DLC1: variants seen among roughly 807,000 people sequenced by gnomAD.
DLC1 encodes rho GTPase-activating protein 7.
Under a neutral mutation model 140.3 loss-of-function variants are expected in DLC1, and 54 were observed. That is an observed-to-expected ratio of 0.38 (90% CI 0.31 to 0.48). The LOEUF is 0.48. Among genes scored for constraint, DLC1 ranks in the 20% least tolerant of loss-of-function variants. DLC1 has a pLI of 0.96. For synonymous variants in DLC1, 986 were observed against 728.1 expected (o/e 1.35, Z -5.70); for missense variants, 2,536 against 1,907.0 (o/e 1.33, Z -6.14).
chr8:13,304,519 G>T, intron 5 of DLC1: 1 of 374,684 alleles, frequency 2.7e-6, no homozygotes, highest in Non-Finnish European at 3.7e-6. Context: ...AAAGGCACTT[G>T]AAATTTTAAT....
rs375623221 is a variant in DLC1, at chr8:13,393,716, G to C, written c.1174-23C>G. On this transcript the variant is annotated intron_variant, in intron 3 of 17. Coordinates refer to ENST00000276297, the MANE Select transcript of DLC1 (RefSeq NM_182643.3). ...ATCCTATTAAAAAACAAATGCACTG[G>C]TATGAAGGACATGTGAATGTTCCCA... 8 of 1,602,146 alleles carry C rather than the reference G, an allele frequency of 5.0e-6. No homozygotes were observed. The East Asian group carries it at 1.1e-4, about 22-fold the overall frequency.
chr8:13,175,119 C>G (rs1184274581), intron 5 of DLC1, among the ~76,000 whole-genome samples: 1 of 152,106 alleles, frequency 6.6e-6, no homozygotes, highest in Non-Finnish European at 1.5e-5. Context: ...AACAGAGAGT[C>G]CCTATCCCAA....
chr8:13,376,487 G>A (rs181512486), intron 4 of DLC1, among the ~76,000 whole-genome samples: 36 of 152,226 alleles, frequency 2.4e-4, no homozygotes, highest in Middle Eastern at 3.4e-3. Flanking sequence ...CTCCCTGCCT[G>A]CAACCTACCC....
At chr8:13,223,079 A>G (rs1451224683) in intron 5 of DLC1, among the ~76,000 whole-genome samples, 4 of 152,110 alleles carry the variant, frequency 2.6e-5, no homozygotes, top group Non-Finnish European at 5.9e-5. Flanking sequence ...TTCTAGTTCT[A>G]TCGGTTATTA....
chr8:13,394,411 C>T (rs562591598), intron 3 of DLC1, among the ~76,000 whole-genome samples: 133 of 152,208 alleles, frequency 8.7e-4, no homozygotes, highest in African/African-American at 3.2e-3. Flanking sequence ...ATTATGTTTT[C>T]TTAGCAACTA....
At chr8:13,544,897 C>T (rs1803603679) in intron 1 of DLC1, among the ~76,000 whole-genome samples, 1 of 152,126 alleles carries the variant, frequency 6.6e-6, no homozygotes, top group South Asian at 2.1e-4. Flanking sequence ...TATCCGTGAA[C>T]AGTTACCACT....
intron 5 of DLC1, among the ~76,000 whole-genome samples, chr8:13,299,318 G>T (rs2697746): frequency 0.36 from 53,888 of 151,086 alleles, 9,735 homozygotes; most frequent in Middle Eastern, 0.45. Context: ...TGTGGTGGTG[G>T]GTGCCTGTAA....
intron 5 of DLC1, among the ~76,000 whole-genome samples, chr8:13,139,428 T>A (rs79753742): frequency 0.035 from 5,285 of 152,144 alleles, 214 homozygotes; most frequent in African/African-American, 0.097. Context: ...AGCATAGTAC[T>A]TTCATCATTC....
intron 4 of DLC1, among the ~76,000 whole-genome samples, chr8:13,338,377 T>G (rs1166048205): frequency 6.6e-6 from 1 of 152,176 alleles, no homozygotes; most frequent in Admixed American, 6.5e-5. Flanking sequence ...CTAGCTGAGC[T>G]CAAATCCTGA....
intron 1 of DLC1, among the ~76,000 whole-genome samples, chr8:13,539,131 T>C (rs991642340): frequency 6.6e-6 from 1 of 152,186 alleles, no homozygotes; most frequent in Non-Finnish European, 1.5e-5. Flanking sequence ...ATCTTGATTA[T>C]TGGCAATATT....
intron 5 of DLC1, among the ~76,000 whole-genome samples, chr8:13,141,141 G>A (rs888727694): frequency 1.3e-5 from 2 of 151,592 alleles, no homozygotes; most frequent in East Asian, 3.9e-4. Flanking sequence ...TGTAATTCCA[G>A]CTACTCGGGA....
intron 4 of DLC1, among the ~76,000 whole-genome samples, chr8:13,386,172 C>G (rs887497505): frequency 2.0e-5 from 3 of 152,108 alleles, no homozygotes; most frequent in Non-Finnish European, 4.4e-5. Flanking sequence ...ATGCAAAGTA[C>G]TATTCATATG....
intron 5 of DLC1, among the ~76,000 whole-genome samples, chr8:13,130,644 C>A (rs895125871): frequency 6.6e-6 from 1 of 152,188 alleles, no homozygotes; most frequent in Non-Finnish European, 1.5e-5. Context: ...GTTAATTGCT[C>A]ATCTATTCAC....
Position 13,401,637 on chromosome 8 carries a change from T to C in DLC1, c.1024-18A>G. On this transcript the variant is annotated intron_variant, in intron 2 of 17. Coordinates refer to ENST00000276297, the MANE Select transcript of DLC1 (RefSeq NM_182643.3). ...CTTATTTCCTGAGGAACAGAACATT[T>C]TGTTACTGAATCTGAAAGGCCATTT... is the stretch of plus-strand genomic sequence containing the variant. The C allele has an allele frequency of 1.9e-6, 3 of 1,601,460 alleles. No homozygotes were observed. The highest frequency in any genetic ancestry group is 2.2e-5 in the East Asian group (1 of 44,736).
At chr8:13,233,688 T>G (rs962852867) in intron 5 of DLC1, among the ~76,000 whole-genome samples, 2 of 152,220 alleles carry the variant, frequency 1.3e-5, no homozygotes, top group African/African-American at 4.8e-5. Flanking sequence ...AATAGAACAT[T>G]TAAACACATG....
intron 1 of DLC1, among the ~76,000 whole-genome samples, chr8:13,511,975 G>A (rs1802386492): frequency 6.6e-6 from 1 of 152,092 alleles, no homozygotes; most frequent in South Asian, 2.1e-4. Context: ...TTTGTAGTGA[G>A]TTATATGGTA....
At chr8:13,403,580 A>C (rs549834069) in intron 2 of DLC1, among the ~76,000 whole-genome samples, 1 of 152,168 alleles carries the variant, frequency 6.6e-6, no homozygotes, top group Non-Finnish European at 1.5e-5. Flanking sequence ...AGATATAAGC[A>C]AAGGAGTGGT....
intron 1 of DLC1, among the ~76,000 whole-genome samples, chr8:13,580,519 G>A (rs1025761662): frequency 3.9e-5 from 6 of 152,132 alleles, no homozygotes; most frequent in Admixed American, 2.6e-4. Context: ...CAAAGCAAGA[G>A]CCCTCAGTGG....
chr8:13,415,299 C>T (rs117087465), intron 2 of DLC1, among the ~76,000 whole-genome samples: 3,363 of 152,084 alleles, frequency 0.022, 56 homozygotes, highest in Middle Eastern at 0.034. Context: ...TATTATTAGT[C>T]ACTTGTTGTG....
Sources: allele counts gnomAD v4.1 joint callset (sites outside exome capture counted in the v4.1 genomes callset), GRCh38; gene constraint gnomAD v4.1.1; transcripts MANE v1.5; gene names NCBI Gene and HGNC (gene_info 2026-07-23, HGNC 2026-07-21).